The following EXOC6B variants were observed in gnomAD, a reference collection of about 807,000 sequenced individuals.
EXOC6B encodes the protein SEC15 homolog B.
Under a neutral mutation model 113.5 loss-of-function variants are expected in EXOC6B, and 54 were observed. That is an observed-to-expected ratio of 0.48 (90% CI 0.38 to 0.60). The LOEUF is 0.60. Among genes scored for constraint, EXOC6B ranks in the 20% least tolerant of loss-of-function variants. The pLI is 0.00. For missense variants in EXOC6B, 797 were observed against 977.5 expected, an observed-to-expected ratio of 0.82 and a Z score of 2.46; for synonymous variants, 357 against 339.0, an observed-to-expected ratio of 1.05 and a Z score of -0.58.
intron 20 of EXOC6B, among the ~76,000 whole-genome samples, chr2:72,254,903 A>T (rs925139473): frequency 3.9e-5 from 6 of 152,228 alleles, no homozygotes; most frequent in Non-Finnish European, 7.3e-5. Context: ...TATTTATGGT[A>T]AAATGTGATA....
At chr2:72,443,680 T>C (rs751668436) in intron 18 of EXOC6B, among the ~76,000 whole-genome samples, 3 of 152,180 alleles carry the variant, frequency 2.0e-5, no homozygotes, top group African/African-American at 7.2e-5. Context: ...ATGTCTTACA[T>C]ACCGGCAGAC....
chr2:72,319,932 T>A lies in EXOC6B; in HGVS notation c.2196+15015A>T, dbSNP rs889162991. Among the ~76,000 whole-genome samples, 3 of 151,990 alleles carry A rather than the reference T, an allele frequency of 2.0e-5. 1 individual carries two copies. Among genetic ancestry groups the A allele is most frequent in the Admixed American group, 2.0e-4 (3 of 15,272 alleles). The stretch of plus-strand genomic sequence containing the variant: ...CCCACTACAACCTCCGACTCCCTGG[T>A]TCCAGCGATTTCCCCTGCCTCAGCC... On this transcript the variant is annotated intron_variant, in intron 20 of 21. Coordinates refer to ENST00000272427, the MANE Select transcript of EXOC6B (RefSeq NM_015189.3).
intron 6 of EXOC6B, among the ~76,000 whole-genome samples, chr2:72,598,668 A>G (rs976770540): frequency 3.9e-5 from 6 of 152,074 alleles, no homozygotes; most frequent in Non-Finnish European, 7.4e-5. Context: ...GCAAAAAGGG[A>G]GATAAACAGA....
intron 1 of EXOC6B, among the ~76,000 whole-genome samples, chr2:72,760,961 C>A (rs1227829375): frequency 6.6e-6 from 1 of 152,148 alleles, no homozygotes; most frequent in African/African-American, 2.4e-5. Context: ...AGGTGAATCA[C>A]CTGAGGTCAG....
At chr2:72,543,092 G>A (rs1206257521) in intron 8 of EXOC6B, among the ~76,000 whole-genome samples, 1 of 152,170 alleles carries the variant, frequency 6.6e-6, no homozygotes, top group African/African-American at 2.4e-5. Flanking sequence ...TTTCAGGAAA[G>A]AGAACTGCCT....
At chr2:72,404,459 A>C (rs886443648) in intron 18 of EXOC6B, among the ~76,000 whole-genome samples, 2 of 152,202 alleles carry the variant, frequency 1.3e-5, no homozygotes, top group Admixed American at 6.5e-5. Context: ...GGCACCCCCC[A>C]GTAGGGGCAG....
At chr2:72,589,463 C>G (rs1277845584) in intron 6 of EXOC6B, among the ~76,000 whole-genome samples, 1 of 151,278 alleles carries the variant, frequency 6.6e-6, no homozygotes, top group Non-Finnish European at 1.5e-5. Context: ...GAAACATTAT[C>G]AAAATGCAAA....
intron 6 of EXOC6B, among the ~76,000 whole-genome samples, chr2:72,586,025 G>T (rs1248928405): frequency 6.6e-6 from 1 of 152,142 alleles, no homozygotes; most frequent in African/African-American, 2.4e-5. Flanking sequence ...AATAAATGGT[G>T]CTGGGATAAC....
In EXOC6B at chr2:72,350,141, A is replaced by G. The variant is rs191898149; in HGVS notation, c.2123-15121T>C. 1.8e-4 allele frequency among the ~76,000 whole-genome samples: 27 copies of G among 152,278 alleles called. 1 individual carries two copies. In the East Asian group the frequency reaches 5.2e-3, roughly 29 times the overall value. On this transcript the variant is annotated intron_variant, in intron 19 of 21. Transcript: ENST00000272427. ...TGGATGCAATAAAATAACAATATGCATTTTTATCTACATGGCCACTTCTTC... is the reference window on the plus strand; with the variant it reads ...TGGATGCAATAAAATAACAATATGCGTTTTTATCTACATGGCCACTTCTTC...
At chr2:72,808,282 CTAA>C (rs1471368155) in intron 1 of EXOC6B, among the ~76,000 whole-genome samples, 1 of 152,120 alleles carries the variant, frequency 6.6e-6, no homozygotes, top group African/African-American at 2.4e-5. Context: ...TGATATGATA[CTAA>C]TGTTTGTGTA....
chr2:72,205,207 A>G (rs931290750), intron 20 of EXOC6B, among the ~76,000 whole-genome samples: 1 of 152,172 alleles, frequency 6.6e-6, no homozygotes, highest in Non-Finnish European at 1.5e-5. Context: ...AGCTGCTATG[A>G]GAGATGAGGA....
intron 1 of EXOC6B, among the ~76,000 whole-genome samples, chr2:72,796,738 C>G (rs1234914063): frequency 1.3e-5 from 2 of 152,002 alleles, no homozygotes; most frequent in Non-Finnish European, 2.9e-5. Context: ...CGCCATAGGC[C>G]CTCTACCTTG....
intron 6 of EXOC6B, among the ~76,000 whole-genome samples, chr2:72,631,455 TATATATAGAGAG>T (rs1672441631): frequency 4.4e-4 from 8 of 18,346 alleles, no homozygotes; most frequent in Admixed American, 8.0e-4. Context: ...TATATATATA[TATATATAGAGAG>T]AGAGAGAGAG....
At chr2:72,709,539 G>A (rs1679132114) in intron 6 of EXOC6B, among the ~76,000 whole-genome samples, 3 of 152,154 alleles carry the variant, frequency 2.0e-5, no homozygotes, top group Non-Finnish European at 2.9e-5. Flanking sequence ...CAAGAAGTAA[G>A]TATCAGCACA....
At chr2:72,697,948 T>A (rs927128748) in intron 6 of EXOC6B, among the ~76,000 whole-genome samples, 1 of 152,150 alleles carries the variant, frequency 6.6e-6, no homozygotes, top group Non-Finnish European at 1.5e-5. Flanking sequence ...CAGGGACCTA[T>A]ATATAAAGAC....
intron 6 of EXOC6B, among the ~76,000 whole-genome samples, chr2:72,629,070 C>T (rs1410092975): frequency 1.3e-5 from 2 of 152,132 alleles, no homozygotes; most frequent in Non-Finnish European, 2.9e-5. Flanking sequence ...CAAAAGTTTT[C>T]TGTGTTCTAG....
intron 6 of EXOC6B, among the ~76,000 whole-genome samples, chr2:72,671,888 G>A (rs189107501): frequency 1.1e-3 from 166 of 149,154 alleles, no homozygotes; most frequent in Non-Finnish European, 2.0e-3. Context: ...AGGAAGGAAG[G>A]AAGGAAAAGA....
At chr2:72,330,027 G>A (rs780407427) in intron 20 of EXOC6B, among the ~76,000 whole-genome samples, 3 of 152,006 alleles carry the variant, frequency 2.0e-5, no homozygotes, top group Non-Finnish European at 2.9e-5. Context: ...TATGAGAGTC[G>A]TTGCCAGCAA....
At chr2:72,645,186 A>G (rs1673608432) in intron 6 of EXOC6B, among the ~76,000 whole-genome samples, 1 of 152,210 alleles carries the variant, frequency 6.6e-6, no homozygotes, top group Non-Finnish European at 1.5e-5. Flanking sequence ...ATCAAAAGAG[A>G]CAAAGAAGGC....
Sources: gnomAD v4.1 joint callset for allele counts (sites outside exome capture counted in the v4.1 genomes callset) on GRCh38, gnomAD v4.1.1 for gene constraint, MANE v1.5 for transcripts, NCBI Gene and HGNC (gene_info 2026-07-23, HGNC 2026-07-21) for gene names.